Variants in PUS7 observed in about 807,000 individuals in gnomAD.
PUS7 encodes the protein pseudouridylate synthase 7 homolog.
A neutral mutation model predicts 79.8 loss-of-function variants in PUS7; 48 were observed. That is an observed-to-expected ratio of 0.60 (90% CI 0.48 to 0.76). PUS7 has a LOEUF of 0.76. Among genes scored for constraint, PUS7 ranks in the 30% least tolerant of loss-of-function variants. The pLI, the probability that PUS7 is intolerant of heterozygous loss-of-function variation, is 0.00. For synonymous variants in PUS7, 286 were observed against 272.2 expected (o/e 1.05, Z -0.50); for missense variants, 729 against 797.6 (o/e 0.91, Z 1.04).
intron 9 of PUS7, 82 bp from the exon 10 acceptor site, chr7:105,472,275 A>C: frequency 1.2e-6 from 1 of 846,708 alleles, no homozygotes; most frequent in Non-Finnish European, 1.9e-6. Flanking sequence ...GAGTCAACAA[A>C]TCATATTAAC....
At chr7:105,513,695 G>A (rs571301418) in intron 1 of PUS7, among the ~76,000 whole-genome samples, 386 of 147,790 alleles carry the variant, frequency 2.6e-3, no homozygotes, top group African/African-American at 8.8e-3. Context: ...AAAATTAGCC[G>A]GGTGTGGTGG....
chr7:105,502,342 G>A (rs1441403628), intron 5 of PUS7, 78 bp downstream of exon 5: 8 of 1,543,210 alleles, frequency 5.2e-6, no homozygotes, highest in East Asian at 2.2e-5. Context: ...CCTTGAACAC[G>A]AACGGGCAAG....
intron 1 of PUS7, among the ~76,000 whole-genome samples, chr7:105,515,791 T>TTTTTTTTATTTATTTATTTA (rs1554353689): frequency 4.8e-4 from 58 of 121,268 alleles, no homozygotes; most frequent in Admixed American, 1.6e-3. Context: ...TTTTATTTTA[T>TTTTTTTTATTTATTTATTTA]TTTATTTATT....
chr7:105,464,963 T>C (rs1228202065), intron 13 of PUS7, among the ~76,000 whole-genome samples: 1 of 151,796 alleles, frequency 6.6e-6, no homozygotes, highest in Non-Finnish European at 1.5e-5. Flanking sequence ...GAACCACAGG[T>C]GTGCACTACC....
intron 7 of PUS7, among the ~76,000 whole-genome samples, chr7:105,482,649 A>C (rs1312065127): frequency 6.6e-6 from 1 of 152,098 alleles, no homozygotes; most frequent in East Asian, 1.9e-4. Flanking sequence ...GCTCCTGTTC[A>C]AATTGCATAC....
At chr7:105,467,703 A>G (rs956776185) in intron 12 of PUS7, among the ~76,000 whole-genome samples, 1 of 151,382 alleles carries the variant, frequency 6.6e-6, no homozygotes, top group African/African-American at 2.4e-5. Flanking sequence ...CCCAAATCCT[A>G]TTTGAGTTGA....
At chr7:105,517,914 C>T (rs544556612) in intron 1 of PUS7, among the ~76,000 whole-genome samples, 138 of 152,244 alleles carry the variant, frequency 9.1e-4, no homozygotes, top group African/African-American at 3.2e-3. Flanking sequence ...CTTTCGGAGT[C>T]CGAGGTGGGC....
chr7:105,466,380 C>A (rs1324792301), intron 12 of PUS7, among the ~76,000 whole-genome samples: 1 of 151,912 alleles, frequency 6.6e-6, no homozygotes, highest in Non-Finnish European at 1.5e-5. Flanking sequence ...GCCTCACCCT[C>A]TCGAGAAGCT....
chr7:105,483,308 G>A (rs765750674), intron 7 of PUS7, among the ~76,000 whole-genome samples: 9 of 151,954 alleles, frequency 5.9e-5, no homozygotes, highest in Admixed American at 1.3e-4. Context: ...GCTTACAGGC[G>A]CACACCACCA....
At chr7:105,498,225 T>C (rs142919933) in intron 5 of PUS7, among the ~76,000 whole-genome samples, 64 of 152,308 alleles carry the variant, frequency 4.2e-4, no homozygotes, top group African/African-American at 1.5e-3. Context: ...AGCATATGCA[T>C]TGATTAACTG....
chr7:105,458,786 C>T (rs1823296574), intron 15 of PUS7, among the ~76,000 whole-genome samples: 1 of 151,982 alleles, frequency 6.6e-6, no homozygotes, highest in African/African-American at 2.4e-5. Context: ...TGGTCTCGAT[C>T]TCCTGACCTC....
At chr7:105,498,500 C>T (rs3735369) in intron 5 of PUS7, among the ~76,000 whole-genome samples, 34,570 of 152,098 alleles carry the variant, frequency 0.23, 4,007 homozygotes, top group South Asian at 0.31. Flanking sequence ...CCCAGTCTAG[C>T]AGAAATGGAA....
intron 9 of PUS7, among the ~76,000 whole-genome samples, chr7:105,477,678 T>A (rs1586117618): frequency 6.6e-6 from 1 of 152,228 alleles, no homozygotes; most frequent in East Asian, 1.9e-4. Flanking sequence ...ATTACACAAT[T>A]TTACAACATT....
intron 7 of PUS7, among the ~76,000 whole-genome samples, chr7:105,490,896 T>G (rs1824753744): frequency 6.6e-6 from 1 of 152,196 alleles, no homozygotes; most frequent in African/African-American, 2.4e-5. Flanking sequence ...GAGTTGCTAC[T>G]GCTACATAGT....
chr7:105,496,823 G>A, intron 5 of PUS7: 1 of 342,762 alleles, frequency 2.9e-6, no homozygotes, highest in Non-Finnish European at 4.3e-6. Flanking sequence ...TCAGAAAACT[G>A]TTGAGCAGGA....
Position 105,502,455 on chromosome 7 carries a change from A to C in PUS7, c.695T>G (p.Val232Gly). The C allele has an allele frequency of 1.2e-6, 2 of 1,614,156 alleles. No homozygotes were observed. The highest frequency in any genetic ancestry group is 4.5e-5 in the East Asian group (2 of 44,870). ...TEDREGKKYI[V>G]AYHAAGKKAL... ...CTTTTTCCCAGCTGCGTGGTAGGCTACAATGTATTTCTTCCCCTCCCTATC... is the reference window on the plus strand; with the variant it reads ...CTTTTTCCCAGCTGCGTGGTAGGCTCCAATGTATTTCTTCCCCTCCCTATC... Residue 232 changes from valine to glycine, a missense_variant, in exon 5 of 16, where the codon GTA becomes GGA. Coordinates refer to ENST00000469408, the MANE Select transcript of PUS7 (RefSeq NM_019042.5).
rs1225761252 is a variant in PUS7 at position 105,480,195 on chromosome 7, G to GT, written c.1175+856_1175+857insA. The stretch of plus-strand genomic sequence containing the variant: ...CAAAATAAAAATAAAAATAGGGCTG[G>GT]GCGTAGTGGCTCACACTTGTAATCC... On this transcript the variant is annotated intron_variant, in intron 9 of 15. Coordinates refer to ENST00000469408, the MANE Select transcript of PUS7 (RefSeq NM_019042.5). 9.9e-5 allele frequency among the ~76,000 whole-genome samples: 15 copies of GT among 152,178 alleles called. 1 individual carries two copies. The highest frequency in any genetic ancestry group is 7.2e-4 in the Admixed American group (11 of 15,276).
intron 1 of PUS7, among the ~76,000 whole-genome samples, chr7:105,520,169 C>G (rs1462999646): frequency 6.6e-6 from 1 of 151,978 alleles, no homozygotes; most frequent in East Asian, 1.9e-4. Flanking sequence ...ACTAAAAATA[C>G]AAAAATTAGG....
At chr7:105,495,104 T>C in intron 6 of PUS7, 38 bp downstream of exon 6, 1 of 1,229,152 alleles carries the variant, frequency 8.1e-7, no homozygotes, top group South Asian at 1.3e-5. Flanking sequence ...ACGTTTCTGT[T>C]GCTTTGATTT....
Sources: gnomAD v4.1 joint callset for allele counts (sites outside exome capture counted in the v4.1 genomes callset) on GRCh38, gnomAD v4.1.1 for gene constraint, MANE v1.5 for transcripts, NCBI Gene and HGNC (gene_info 2026-07-23, HGNC 2026-07-21) for gene names.